DIP2A: variants seen among roughly 807,000 people sequenced by gnomAD.
DIP2A encodes DIP2 acetate--CoA ligase A.
DIP2A carries 85 observed loss-of-function variants against 177.4 expected under a neutral mutation model. The ratio of observed to expected loss-of-function variants is 0.48; its 90% confidence interval spans 0.40 to 0.57. The LOEUF (loss-of-function observed/expected upper bound fraction) is 0.57. Ranked by LOEUF, DIP2A falls within the 20% of genes least tolerant of loss-of-function variation. The pLI is 0.00. For synonymous variants in DIP2A, 886 were observed against 881.8 expected (o/e 1.00, Z -0.08); for missense variants, 1,791 against 2,100.2 (o/e 0.85, Z 2.88).
chr21:46,577,106 G>A, the DIP2A span, among the ~76,000 whole-genome samples: 32 of 152,226 alleles, frequency 2.1e-4, no homozygotes, highest in African/African-American at 7.2e-4. Flanking sequence ...AGTTTCTTTT[G>A]CTGTGCAGAG....
chr21:46,570,076 G>A (rs1307493851), downstream of DIP2A, among the ~76,000 whole-genome samples: 2 of 152,282 alleles, frequency 1.3e-5, no homozygotes, highest in African/African-American at 2.4e-5. Context: ...ATGAGTAAAT[G>A]TAGTATTTGC....
Position 46,546,077 on chromosome 21 carries a change from C to G in DIP2A, c.2394+116C>G. The G allele has an allele frequency of 2.6e-6, 4 of 1,562,174 alleles. No individual in the cohort carries two copies. The South Asian group carries it at 4.7e-5, about 18-fold the overall frequency. ...GGCCGTTCCTGACCTCCCATGTGGCCTTGGTCGGTGGCGCTGACCTCCCTG... is the reference window on the plus strand; with the variant it reads ...GGCCGTTCCTGACCTCCCATGTGGCGTTGGTCGGTGGCGCTGACCTCCCTG... On this transcript the variant is annotated intron_variant, in intron 20 of 37. Coordinates refer to ENST00000417564, the MANE Select transcript of DIP2A (RefSeq NM_015151.4).
At chr21:46,497,212 T>C in intron 4 of DIP2A, 105 bp downstream of exon 4, 1 of 1,368,342 alleles carries the variant, frequency 7.3e-7, no homozygotes, top group Non-Finnish European at 9.8e-7. Flanking sequence ...TGGCCTGTAG[T>C]ATAGATTGGA....
chr21:46,529,254 T>G (rs1270834942), intron 9 of DIP2A, 71 bp downstream of exon 9: 4 of 960,252 alleles, frequency 4.2e-6, no homozygotes, highest in Non-Finnish European at 3.1e-6. Flanking sequence ...TTCATTGAAA[T>G]TAGTGTTCTA....
chr21:46,551,040 A>T (rs2060254031), intron 23 of DIP2A, among the ~76,000 whole-genome samples: 1 of 152,196 alleles, frequency 6.6e-6, no homozygotes, highest in Non-Finnish European at 1.5e-5. Flanking sequence ...TGGCTAGGAG[A>T]TGGCTCCCTA....
At position 46,498,910 on chromosome 21, in the gene DIP2A, G is replaced by A; in HGVS notation, c.655+77G>A. The A allele has an allele frequency of 1.7e-5, 25 of 1,475,668 alleles. No homozygotes were observed. The highest frequency in any genetic ancestry group is 1.3e-4 in the South Asian group (9 of 71,864). 91.4% of individuals were successfully genotyped at this position (1,475,668 alleles called of 1,614,324 possible). On this transcript the variant is annotated intron_variant, in intron 5 of 37. Transcript: ENST00000417564. This position sits in a 1 kb window ranked among gnomAD's most constrained non-coding sequence, Gnocchi z 4.3. ...GTCCAGGACAGAGGAGCAGATGGAG[G>A]GCACCTGAGCCAGGCGCCACCCTGC...
chr21:46,477,980 T>C (rs1268241454), intron 1 of DIP2A, among the ~76,000 whole-genome samples: 2 of 152,144 alleles, frequency 1.3e-5, no homozygotes, highest in African/African-American at 4.8e-5. Flanking sequence ...GGTAATCAGT[T>C]GACTCAGAAC....
chr21:46,501,727 T>G (rs1397140579), intron 5 of DIP2A, among the ~76,000 whole-genome samples: 2 of 152,232 alleles, frequency 1.3e-5, no homozygotes, highest in Non-Finnish European at 2.9e-5. Flanking sequence ...CCAGCCATTA[T>G]ATAGCTGTTT....
At chr21:46,552,652 T>G (rs2060314976) in intron 25 of DIP2A, among the ~76,000 whole-genome samples, 1 of 152,156 alleles carries the variant, frequency 6.6e-6, no homozygotes, top group African/African-American at 2.4e-5. Context: ...AAAAAATACT[T>G]AATGATGCCT....
intron 8 of DIP2A, among the ~76,000 whole-genome samples, chr21:46,519,855 A>ATTTTTTTTTTTTTTTTTT (rs59574579): frequency 1.9e-5 from 1 of 53,018 alleles, no homozygotes; most frequent in African/African-American, 8.7e-5. Context: ...ATTGATCTAG[A>ATTTTTTTTTTTTTTTTTT]TTTTTTTTTT....
chr21:46,539,810 T>C (rs779985346), intron 16 of DIP2A, 67 bp from the exon 17 acceptor site: 4 of 1,343,536 alleles, frequency 3.0e-6, no homozygotes, highest in Non-Finnish European at 4.3e-6. Flanking sequence ...CTTGAGCATG[T>C]CCAGCCACCC....
chr21:46,484,680 A>G (rs889879378), intron 1 of DIP2A, 77 bp from the exon 2 acceptor site: 10 of 1,284,808 alleles, frequency 7.8e-6, no homozygotes, highest in Non-Finnish European at 9.7e-6. Context: ...CCAGTTTTTC[A>G]ATCATAAATT....
chr21:46,556,150 A>G lies in DIP2A; in HGVS notation c.3498+59A>G. 1 of 1,505,234 alleles carries G rather than the reference A, an allele frequency of 6.6e-7. No individual in the cohort carries two copies. The highest frequency in any genetic ancestry group is 9.2e-7 in the Non-Finnish European group (1 of 1,083,704). 93.2% of individuals were successfully genotyped at this position (1,505,234 alleles called of 1,614,324 possible). A position where few individuals can be genotyped will look rare whatever the true frequency, so the allele number is the denominator to read the frequency against. On this transcript the variant is annotated intron_variant, in intron 29 of 37. Coordinates refer to ENST00000417564, the MANE Select transcript of DIP2A (RefSeq NM_015151.4). The surrounding 1 kb of genome is among the most constrained non-coding windows in gnomAD (Gnocchi z 4.5). ...CTAGAAATCAGGAGGAGTGGACAGA[A>G]AGGATGTCAGATGCAGATTTAAACT...
chr21:46,486,053 A>G (rs936031003), intron 2 of DIP2A, among the ~76,000 whole-genome samples: 33 of 140,650 alleles, frequency 2.3e-4, no homozygotes, highest in African/African-American at 8.0e-4. Flanking sequence ...CCTGGGCGAC[A>G]GAGTGGGACT....
In DIP2A at chr21:46,534,701, G is replaced by T; in HGVS notation, c.1642+14G>T. The T allele has an allele frequency of 6.3e-7, 1 of 1,599,896 alleles. No homozygotes were observed. Among genetic ancestry groups the T allele is most frequent in the African/African-American group, 1.3e-5 (1 of 74,954 alleles). ...GGTACTCAGAAGGTAAGGGCTCTCG[G>T]GGGTGGGGCGGTGGCCCCTCCAGCC... On this transcript the variant is annotated intron_variant, in intron 13 of 37. Coordinates refer to ENST00000417564, the MANE Select transcript of DIP2A (RefSeq NM_015151.4).
intron 8 of DIP2A, among the ~76,000 whole-genome samples, chr21:46,521,250 G>A (rs774959481): frequency 1.6e-4 from 25 of 152,004 alleles, no homozygotes; most frequent in Non-Finnish European, 1.9e-4. Flanking sequence ...GTGCAGTGGC[G>A]TGATCTCGGC....
chr21:46,485,773 T>C (rs1327952129), intron 2 of DIP2A, among the ~76,000 whole-genome samples: 1 of 151,878 alleles, frequency 6.6e-6, no homozygotes, highest in African/African-American at 2.4e-5. Flanking sequence ...GTAACACAAA[T>C]AAGAAGTAGT....
At chr21:46,532,317 T>C (rs2059388090) in intron 10 of DIP2A, 80 bp downstream of exon 10, 5 of 1,170,840 alleles carry the variant, frequency 4.3e-6, no homozygotes, top group East Asian at 2.5e-5. Context: ...TTTTCACTCA[T>C]GTGGGCAGGC....
At position 46,545,128 on chromosome 21, in the gene DIP2A, T is replaced by G; in HGVS notation, c.2177-9T>G. On this transcript the variant is annotated splice_polypyrimidine_tract_variant and intron_variant, in intron 18 of 37. Transcript: ENST00000417564. ...TCTTGATAATTTTGAGTTTTTTTTC[T>G]CATTTTAGCTAATGTATGTGTTGTG... is the stretch of plus-strand genomic sequence containing the variant. 1 of 1,566,170 alleles carries G rather than the reference T, an allele frequency of 6.4e-7. No individual in the cohort carries two copies. Among genetic ancestry groups the G allele is most frequent in the Non-Finnish European group, 8.7e-7 (1 of 1,150,650 alleles).
Sources: allele counts gnomAD v4.1 joint callset (sites outside exome capture counted in the v4.1 genomes callset), GRCh38; gene constraint gnomAD v4.1.1; non-coding constraint Gnocchi (gnomAD v3.1); transcripts MANE v1.5; gene names NCBI Gene and HGNC (gene_info 2026-07-23, HGNC 2026-07-21).